HOMER2: variants seen among roughly 807,000 people sequenced by gnomAD.
The protein encoded by HOMER2 is homer scaffold protein 2.
In HOMER2, 27 loss-of-function variants were observed where a neutral mutation model predicts 47.0. That is an observed-to-expected ratio of 0.57 (90% CI 0.42 to 0.79). The LOEUF (loss-of-function observed/expected upper bound fraction) is 0.79. Among genes scored for constraint, HOMER2 ranks in the 30% least tolerant of loss-of-function variants. The pLI is 0.00. For missense variants in HOMER2, 443 were observed against 435.0 expected (o/e 1.02, Z -0.16); for synonymous variants, 161 against 163.8 (o/e 0.98, Z 0.13).
intron 4 of HOMER2, among the ~76,000 whole-genome samples, chr15:82,859,950 T>C (rs1219097548): frequency 6.6e-6 from 1 of 151,906 alleles, no homozygotes; most frequent in Non-Finnish European, 1.5e-5. Flanking sequence ...GCAGTACATA[T>C]GAAAAACAAA....
rs114928008 is a variant in HOMER2 at position 82,913,797 on chromosome 15, C to T, written c.6-20956G>A. On this transcript the variant is annotated intron_variant, in intron 1 of 8. Transcript: ENST00000450735. This position sits in a 1 kb window ranked among gnomAD's most constrained non-coding sequence, Gnocchi z 4.1. ...CTCTTTTCTGGTCATTTATTTAAAA[C>T]GTGTACAGGGCTGTGGAAAACTGGT... Among the ~76,000 whole-genome samples, 4,131 of 152,206 alleles carry T rather than the reference C, an allele frequency of 0.027. 209 individuals carry two copies. The highest frequency in any genetic ancestry group is 0.096 in the African/African-American group (3,983 of 41,490).
chr15:82,857,577 T>C (rs1478289224), intron 5 of HOMER2, among the ~76,000 whole-genome samples: 2 of 151,898 alleles, frequency 1.3e-5, no homozygotes, highest in Non-Finnish European at 2.9e-5. Flanking sequence ...ATTACAGGCA[T>C]GTATCACCGT....
upstream of HOMER2, among the ~76,000 whole-genome samples, chr15:82,955,900 G>A (rs1310752741): frequency 6.6e-6 from 1 of 152,068 alleles, no homozygotes; most frequent in Non-Finnish European, 1.5e-5. Flanking sequence ...ACCTAATTTA[G>A]GTTGAGGAGG....
At chr15:82,867,674 T>C (rs1483451115) in intron 3 of HOMER2, among the ~76,000 whole-genome samples, 1 of 152,140 alleles carries the variant, frequency 6.6e-6, no homozygotes, top group East Asian at 1.9e-4. Context: ...ATATTTCTGG[T>C]AGTGTTGTGT....
intron 1 of HOMER2, among the ~76,000 whole-genome samples, chr15:82,901,859 A>G (rs2053129343): frequency 6.6e-6 from 1 of 152,242 alleles, no homozygotes; most frequent in Admixed American, 6.5e-5. Context: ...ACCTTCAAGA[A>G]GTGTTCTCAA....
intron 1 of HOMER2, among the ~76,000 whole-genome samples, chr15:82,922,693 A>G (rs2053760055): frequency 6.6e-6 from 1 of 151,950 alleles, no homozygotes; most frequent in Admixed American, 6.6e-5. Flanking sequence ...CAAACCAACC[A>G]CAGGTGTCCG....
At chr15:82,898,169 G>C (rs7173264) in intron 1 of HOMER2, among the ~76,000 whole-genome samples, 89,450 of 152,078 alleles carry the variant, frequency 0.59, 26,858 homozygotes, top group African/African-American at 0.72. Flanking sequence ...AATCCAAACA[G>C]AGACCTCACC....
At chr15:82,847,046 A>G (rs747445446), downstream of HOMER2, 1 of 152,246 alleles carries the variant, frequency 6.6e-6, no homozygotes, top group Non-Finnish European at 1.5e-5. Context: ...GGAGACCTCA[A>G]TTGCAAACTG....
intron 2 of HOMER2, among the ~76,000 whole-genome samples, chr15:82,890,091 TC>T (rs1567034809): frequency 6.6e-6 from 1 of 152,154 alleles, no homozygotes; most frequent in Non-Finnish European, 1.5e-5. Flanking sequence ...ACACCTGTAA[TC>T]CTAGCACTTT....
At chr15:82,977,247 T>C (rs1596390340) in intron 1 of HOMER2, among the ~76,000 whole-genome samples, 1 of 151,920 alleles carries the variant, frequency 6.6e-6, no homozygotes, top group Non-Finnish European at 1.5e-5. Context: ...CATAGGGAGG[T>C]TGTTAAACAC....
rs1567033115 is a variant in HOMER2 at position 82,882,883 on chromosome 15, T to TCCCCTTCCAGCCCACAACAGCC, written c.163-7480_163-7479insGGCTGTTGTGGGCTGGAAGGGG. 5.2e-4 allele frequency among the ~76,000 whole-genome samples: 32 copies of TCCCCTTCCAGCCCACAACAGCC among 61,636 alleles called. 1 individual carries two copies. The highest frequency in any genetic ancestry group is 1.0e-3 in the African/African-American group (12 of 12,026). The allele number at this position is 61,636 out of a possible 152,430, so 40.4% of individuals were successfully genotyped here. On this transcript the variant is annotated intron_variant, in intron 2 of 8. Coordinates refer to ENST00000450735, the MANE Select transcript of HOMER2 (RefSeq NM_004839.4). ...AGTCCATTCTACACCAGCCACTGCTTTTTTTTTTTTTTTTTTTTTTTTTAT... is the reference window on the plus strand; with the variant it reads ...AGTCCATTCTACACCAGCCACTGCTTCCCCTTCCAGCCCACAACAGCCTTTTTTTTTTTTTTTTTTTTTTTAT...
chr15:82,952,632 G>A lies in HOMER2; in HGVS notation c.-97C>T. 9.7e-7 allele frequency: 1 copy of A among 1,032,644 alleles called. No individual in the cohort carries two copies. The highest frequency in any genetic ancestry group is 1.2e-6 in the Non-Finnish European group (1 of 862,278). The allele number at this position is 1,032,644 out of a possible 1,614,324, so 64.0% of individuals were successfully genotyped here. On this transcript the variant is annotated 5_prime_UTR_variant, in exon 1 of 9. The change creates a new upstream start codon in the 5' untranslated region. Coordinates refer to ENST00000450735, the MANE Select transcript of HOMER2 (RefSeq NM_004839.4). Reference sequence around the variant, plus strand: ...CCCCGCGCGGCACATGCGGCGGCCCGTGCGCGCCCGGCTCAGCCCCGGCGC... The same window carrying A: ...CCCCGCGCGGCACATGCGGCGGCCCATGCGCGCCCGGCTCAGCCCCGGCGC...
intron 1 of HOMER2, among the ~76,000 whole-genome samples, chr15:82,928,093 T>C (rs569001532): frequency 1.8e-4 from 27 of 151,768 alleles, no homozygotes; most frequent in Non-Finnish European, 3.7e-4. Flanking sequence ...TCAACCACTA[T>C]AGTATTGGCA....
intron 2 of HOMER2, among the ~76,000 whole-genome samples, chr15:82,882,611 TAC>T (rs1437871558): frequency 1.3e-5 from 2 of 152,182 alleles, no homozygotes; most frequent in Non-Finnish European, 2.9e-5. Flanking sequence ...CAGGTCTGAG[TAC>T]AGATCTTCCT....
At chr15:82,899,711 C>G (rs2053047642) in intron 1 of HOMER2, among the ~76,000 whole-genome samples, 1 of 152,124 alleles carries the variant, frequency 6.6e-6, no homozygotes, top group Non-Finnish European at 1.5e-5. Context: ...AATACACAAA[C>G]AACCAGATAG....
chr15:82,936,449 T>C (rs1425706207), intron 1 of HOMER2, among the ~76,000 whole-genome samples: 2 of 152,264 alleles, frequency 1.3e-5, no homozygotes, highest in East Asian at 3.8e-4. Context: ...TCACCATTGA[T>C]TACATGTTGA....
At chr15:82,930,342 C>T (rs2053974722) in intron 1 of HOMER2, among the ~76,000 whole-genome samples, 1 of 152,182 alleles carries the variant, frequency 6.6e-6, no homozygotes, top group Non-Finnish European at 1.5e-5. Context: ...TCCACAGAAA[C>T]CATGTAAGAT....
At chr15:82,860,210 T>C (rs2051731311) in intron 4 of HOMER2, among the ~76,000 whole-genome samples, 2 of 152,276 alleles carry the variant, frequency 1.3e-5, no homozygotes, top group Non-Finnish European at 2.9e-5. Context: ...CACTCCAGCC[T>C]GGGCAACAAG....
chr15:82,894,489 G>C (rs927767188), intron 1 of HOMER2, among the ~76,000 whole-genome samples: 8 of 151,892 alleles, frequency 5.3e-5, no homozygotes, highest in Admixed American at 5.3e-4. Context: ...GGCTAACACG[G>C]TGAAGCCCCG....
Sources: gnomAD v4.1 joint callset for allele counts (sites outside exome capture counted in the v4.1 genomes callset) on GRCh38, gnomAD v4.1.1 for gene constraint, Gnocchi (gnomAD v3.1) non-coding constraint, MANE v1.5 for transcripts, NCBI Gene and HGNC (gene_info 2026-07-23, HGNC 2026-07-21) for gene names.